VKORC1: variants seen among roughly 807,000 people sequenced by gnomAD.
VKORC1 encodes vitamin K epoxide reductase complex subunit 1.
In VKORC1, 12 loss-of-function variants were observed where a neutral mutation model predicts 14.8. That is an observed-to-expected ratio of 0.81 (90% CI 0.52 to 1.31). The LOEUF is 1.31. VKORC1 is among the 50% of genes most tolerant of loss of function. The probability of loss-of-function intolerance (pLI) is 0.00; values close to 1 mark genes in which losing one functional copy is unlikely to be tolerated. For synonymous variants in VKORC1, 94 were observed against 92.5 expected (o/e 1.02, Z -0.09); for missense variants, 223 against 215.3 (o/e 1.04, Z -0.22).
At position 31,093,328 on chromosome 16, in the gene VKORC1, T is replaced by C; in HGVS notation, c.267A>G (p.Thr89=). Residue 89 remains threonine (T), a synonymous_variant, in exon 2 of 3, where the codon ACA becomes ACG. Coordinates refer to ENST00000394975, the MANE Select transcript of VKORC1 (RefSeq NM_024006.6). ...GCCACTCACCTAACAATAGCTGTAG[T>C]GTGTAGAAGATGCAACCGAATATGC... is the stretch of plus-strand genomic sequence containing the variant. ...SNSIFGCIFY[T]LQLLLGCLRT... is the part of the protein sequence containing the mutation. The C allele has an allele frequency of 1.2e-6, 2 of 1,613,766 alleles. No homozygotes were observed. The highest frequency in any genetic ancestry group is 1.7e-6 in the Non-Finnish European group (2 of 1,179,970).
chr16:31,094,057 A>C (rs1169783423), intron 1 of VKORC1: 1 of 1,182,594 alleles, frequency 8.5e-7, no homozygotes, highest in African/African-American at 1.5e-5. Flanking sequence ...TCGGTTTTGC[A>C]TCAGAGACTG....
Position 31,094,752 on chromosome 16 carries a change from C to A in VKORC1, c.-23G>T, listed in dbSNP as rs1231715517. 3 of 1,580,542 alleles carry A rather than the reference C, an allele frequency of 1.9e-6. No individual in the cohort carries two copies. The highest frequency in any genetic ancestry group is 1.3e-5 in the African/African-American group (1 of 74,522). ...CATTATCTCCAGGTTCCGCCCGAGG[C>A]GCCCGCGGAGAAAACCAGCCACGGA... On this transcript the variant is annotated 5_prime_UTR_variant, in exon 1 of 3. Transcript: ENST00000394975.
chr16:31,092,125 C>T (rs1403325649), intron 2 of VKORC1, among the ~76,000 whole-genome samples: 1 of 140,556 alleles, frequency 7.1e-6, no homozygotes, highest in Non-Finnish European at 1.5e-5. Flanking sequence ...TTGCAGTGAG[C>T]CAAGATCGTG....
In VKORC1 at chr16:31,094,589, G is replaced by T; in HGVS notation, c.141C>A (p.Thr47=). 1 of 1,610,220 alleles carries T rather than the reference G, an allele frequency of 6.2e-7. No individual in the cohort carries two copies. Among genetic ancestry groups the T allele is most frequent in the Non-Finnish European group, 8.5e-7 (1 of 1,179,148 alleles). ...AGAAGACGCGCGAACAGCTGATGGC[G>T]GTGCCCACGTCGCAGAGCGCGCGGT... ...RDYRALCDVG[T]AISCSRVFSS... Residue 47 remains threonine, a synonymous_variant, in exon 1 of 3, where the codon ACC becomes ACA. Coordinates refer to ENST00000394975, the MANE Select transcript of VKORC1 (RefSeq NM_024006.6).
intron 2 of VKORC1, 58 bp downstream of exon 2, chr16:31,093,254 T>C: frequency 1.4e-6 from 2 of 1,405,800 alleles, no homozygotes; most frequent in Admixed American, 2.2e-5. Context: ...GGGGCTGAGC[T>C]GACCAAGGGG....
chr16:31,093,632 C>T (rs934080164), intron 1 of VKORC1: 29 of 1,332,760 alleles, frequency 2.2e-5, no homozygotes, highest in South Asian at 4.3e-5. Flanking sequence ...CTCCCCTCTC[C>T]CCAGACCAGG....
At chr16:31,093,214 G>T in intron 2 of VKORC1, 98 bp downstream of exon 2, 1 of 1,291,434 alleles carries the variant, frequency 7.7e-7, no homozygotes, top group Non-Finnish European at 1.1e-6. Context: ...CTGGCTGTCA[G>T]CTGTGTGGAT....
chr16:31,094,227 C>G, intron 1 of VKORC1: 2 of 1,606,120 alleles, frequency 1.2e-6, no homozygotes, highest in African/African-American at 1.3e-5. Context: ...GCCAACACCC[C>G]CCTTCACCTG....
chr16:31,094,630 C>T lies in VKORC1; in HGVS notation c.100G>A (p.Ala34Thr), dbSNP rs887072982. Residue 34 changes from alanine (A) to threonine (T), a missense_variant, in exon 1 of 3, where the codon GCC (alanine) becomes ACC (threonine). Coordinates refer to ENST00000394975, the MANE Select transcript of VKORC1 (RefSeq NM_024006.6). ...AGCGCGCGGTAATCCCGGTCCCGGG[C>T]GCGCGCCGCCTTCACGTGCAGCGCG... ...LYALHVKAAR[A>T]RDRDYRALCD... is the part of the protein sequence containing the mutation. 2 of 1,606,088 alleles carry T rather than the reference C, an allele frequency of 1.2e-6. No homozygotes were observed. Among genetic ancestry groups the T allele is most frequent in the African/African-American group, 2.7e-5 (2 of 74,854 alleles).
chr16:31,092,991 A>AG, intron 2 of VKORC1: 1 of 425,870 alleles, frequency 2.3e-6, no homozygotes, highest in Non-Finnish European at 4.4e-6. Flanking sequence ...CCATGAACTG[A>AG]GATCACGCCA....
At chr16:31,093,699 CTTTTTTT>C (rs71151446) in intron 1 of VKORC1, 56 of 68,090 alleles carry the variant, frequency 8.2e-4, no homozygotes, top group Middle Eastern at 0.014. Context: ...AAGTAAGTCT[CTTTTTTT>C]TTTTTTTTTT....
At chr16:31,092,006 T>C (rs1364772634) in intron 2 of VKORC1, among the ~76,000 whole-genome samples, 1 of 151,894 alleles carries the variant, frequency 6.6e-6, no homozygotes, top group East Asian at 1.9e-4. Context: ...GGTGAAACCC[T>C]GTCTCCACTA....
chr16:31,094,644 A>C lies in VKORC1; in HGVS notation c.86T>G (p.Val29Gly), dbSNP rs1354359469. The C allele has an allele frequency of 6.2e-7, 1 of 1,607,184 alleles. No individual in the cohort carries two copies. Among genetic ancestry groups the C allele is most frequent in the African/African-American group, 1.3e-5 (1 of 74,898 alleles). ...CCGGTCCCGGGCGCGCGCCGCCTTC[A>C]CGTGCAGCGCGTAGAGCGAGAGCAC... ...GLVLSLYALHVKAARARDRDY... is the reference protein window; with the variant it reads ...GLVLSLYALHGKAARARDRDY... Residue 29 changes from valine (V) to glycine (G), a missense_variant, in exon 1 of 3, where the codon GTG becomes GGG. Coordinates refer to ENST00000394975, the MANE Select transcript of VKORC1 (RefSeq NM_024006.6).
chr16:31,093,262 G>C (rs1346470197), intron 2 of VKORC1, 50 bp downstream of exon 2: 6 of 1,565,420 alleles, frequency 3.8e-6, no homozygotes, highest in Non-Finnish European at 5.2e-6. Flanking sequence ...GCTGACCAAG[G>C]GGGATGAGGG....
intron 2 of VKORC1, 107 bp downstream of exon 2, chr16:31,093,205 T>C (rs2057301398): frequency 1.7e-6 from 2 of 1,170,162 alleles, no homozygotes; most frequent in Non-Finnish European, 2.4e-6. Flanking sequence ...AGCAGCTAGC[T>C]GGCTGTCAGC....
chr16:31,094,645 C>A lies in VKORC1; in HGVS notation c.85G>T (p.Val29Leu), dbSNP rs104894539. 4 of 1,607,036 alleles carry A rather than the reference C, an allele frequency of 2.5e-6. No homozygotes were observed. Among genetic ancestry groups the A allele is most frequent in the Admixed American group, 1.7e-5 (1 of 59,376 alleles). ...GLVLSLYALH[V>L]KAARARDRDY... ...CGGTCCCGGGCGCGCGCCGCCTTCA[C>A]GTGCAGCGCGTAGAGCGAGAGCACT... Residue 29 changes from valine to leucine, a missense_variant, in exon 1 of 3, where the codon GTG (valine) becomes TTG (leucine). Val to Leu is a conservative substitution (Grantham distance 32). Transcript: ENST00000394975.
chr16:31,094,595 C>T lies in VKORC1; in HGVS notation c.135G>A (p.Val45=), dbSNP rs777145815. 1 of 1,609,688 alleles carries T rather than the reference C, an allele frequency of 6.2e-7. No homozygotes were observed. Among genetic ancestry groups the T allele is most frequent in the Non-Finnish European group, 8.5e-7 (1 of 1,178,960 alleles). The part of the protein sequence containing the change: ...RDRDYRALCD[V]GTAISCSRVF... ...CGCGCGAACAGCTGATGGCGGTGCC[C>T]ACGTCGCAGAGCGCGCGGTAATCCC... The change falls in exon 1 of 3, where the codon GTG becomes GTA. Residue 45 remains valine, a synonymous_variant. Coordinates refer to ENST00000394975, the MANE Select transcript of VKORC1 (RefSeq NM_024006.6).
rs942875492 is a variant in VKORC1, at chr16:31,094,117, C to A, written c.173+440G>T. Reference sequence around the variant, plus strand: ...CCCTGGACCCCAGAATCTCCAGCTCCCTGGCCACTCACTCGCCTCCTCTGT... The same window carrying A: ...CCCTGGACCCCAGAATCTCCAGCTCACTGGCCACTCACTCGCCTCCTCTGT... On this transcript the variant is annotated intron_variant, in intron 1 of 2. Coordinates refer to ENST00000394975, the MANE Select transcript of VKORC1 (RefSeq NM_024006.6). 9 of 1,509,732 alleles carry A rather than the reference C, an allele frequency of 6.0e-6. No individual in the cohort carries two copies. The African/African-American group carries it at 1.2e-4, about 21-fold the overall frequency. The allele number at this position is 1,509,732 out of a possible 1,614,324, so 93.5% of individuals were successfully genotyped here.
At chr16:31,094,435 C>A in intron 1 of VKORC1, 122 bp downstream of exon 1, 2 of 1,612,982 alleles carry the variant, frequency 1.2e-6, no homozygotes, top group Non-Finnish European at 1.7e-6. Context: ...TGTGCAACGA[C>A]CCCGCGAGCA....
Sources: allele counts gnomAD v4.1 joint callset (sites outside exome capture counted in the v4.1 genomes callset), GRCh38; gene constraint gnomAD v4.1.1; transcripts MANE v1.5; gene names NCBI Gene and HGNC (gene_info 2026-07-23, HGNC 2026-07-21).